The following GPC5 variants were observed in gnomAD, a reference collection of about 807,000 sequenced individuals.
The protein encoded by GPC5 is glypican 5.
A neutral mutation model predicts 53.9 loss-of-function variants in GPC5; 47 were observed. That is an observed-to-expected ratio of 0.87 (90% CI 0.69 to 1.11). The LOEUF (loss-of-function observed/expected upper bound fraction) is 1.11, where lower values mean the gene tolerates loss of function less well. GPC5 is among the 50% of genes most tolerant of loss of function. The probability of loss-of-function intolerance (pLI) is 0.00; values close to 1 mark genes in which losing one functional copy is unlikely to be tolerated. For synonymous variants in GPC5, 286 were observed against 263.3 expected, an observed-to-expected ratio of 1.09 and a Z score of -0.84; for missense variants, 748 against 713.1, an observed-to-expected ratio of 1.05 and a Z score of -0.56.
At chr13:92,184,775 A>G (rs990467470) in intron 7 of GPC5, among the ~76,000 whole-genome samples, 13 of 152,152 alleles carry the variant, frequency 8.5e-5, no homozygotes, top group Non-Finnish European at 1.0e-4. Context: ...TTTTTAAGGT[A>G]TCTACTCATT....
chr13:92,752,782 G>C (rs549764215), intron 7 of GPC5, among the ~76,000 whole-genome samples: 3 of 152,122 alleles, frequency 2.0e-5, no homozygotes, highest in African/African-American at 4.8e-5. Context: ...CTTTTCCAAC[G>C]GGCTTAAAAA....
At chr13:92,094,726 A>T (rs1171053452) in intron 6 of GPC5, among the ~76,000 whole-genome samples, 1 of 151,140 alleles carries the variant, frequency 6.6e-6, no homozygotes, top group Non-Finnish European at 1.5e-5. Flanking sequence ...ATCTCAGAAA[A>T]ATCCTAATTT....
intron 7 of GPC5, among the ~76,000 whole-genome samples, chr13:92,372,839 T>A (rs1373958746): frequency 6.6e-6 from 1 of 152,208 alleles, no homozygotes; most frequent in East Asian, 1.9e-4. Context: ...CTATCTGAAC[T>A]GGGTGAACTC....
intron 6 of GPC5, among the ~76,000 whole-genome samples, chr13:92,044,827 A>C (rs7327753): frequency 6.6e-6 from 1 of 151,850 alleles, no homozygotes; most frequent in Non-Finnish European, 1.5e-5. Flanking sequence ...TTTAATAGAA[A>C]TTTTTCTTTG....
At chr13:92,199,096 C>T (rs565677569) in intron 7 of GPC5, among the ~76,000 whole-genome samples, 3 of 152,312 alleles carry the variant, frequency 2.0e-5, no homozygotes, top group South Asian at 2.1e-4. Flanking sequence ...AATTACAGAG[C>T]GCTCAGTAGT....
At chr13:92,521,710 G>C (rs1307396681) in intron 7 of GPC5, among the ~76,000 whole-genome samples, 1 of 152,144 alleles carries the variant, frequency 6.6e-6, no homozygotes, top group African/African-American at 2.4e-5. Flanking sequence ...TCAGGACATA[G>C]GCATGGGCAA....
chr13:91,675,416 C>T (rs2035359398), intron 2 of GPC5, among the ~76,000 whole-genome samples: 1 of 152,130 alleles, frequency 6.6e-6, no homozygotes, highest in African/African-American at 2.4e-5. Context: ...TCCACACTAA[C>T]ATTCAATTTT....
intron 7 of GPC5, among the ~76,000 whole-genome samples, chr13:92,767,926 G>T (rs1875467105): frequency 6.6e-6 from 1 of 151,994 alleles, no homozygotes; most frequent in African/African-American, 2.4e-5. Context: ...AAATTTTTAT[G>T]GAATCTTTTG....
intron 7 of GPC5, among the ~76,000 whole-genome samples, chr13:92,566,209 G>T (rs945678375): frequency 3.3e-5 from 5 of 152,004 alleles, no homozygotes; most frequent in African/African-American, 1.2e-4. Context: ...TTTCCAGGTA[G>T]AATTTAATAA....
intron 6 of GPC5, among the ~76,000 whole-genome samples, chr13:92,070,308 G>A (rs1366049092): frequency 3.9e-5 from 6 of 152,116 alleles, no homozygotes; most frequent in Non-Finnish European, 8.8e-5. Flanking sequence ...CAAGAGTGAT[G>A]GAGTCATTGC....
At chr13:92,422,058 T>C (rs1050358584) in intron 7 of GPC5, among the ~76,000 whole-genome samples, 3 of 151,942 alleles carry the variant, frequency 2.0e-5, no homozygotes, top group African/African-American at 7.3e-5. Flanking sequence ...TGTTTTTGTC[T>C]CTCCAAGGCT....
In GPC5 at chr13:92,378,576, C is replaced by T. The variant is rs79868948; in HGVS notation, c.1561+233587C>T. ...GCGTGGACTTTGGAGCCAAGGAGAC[C>T]TTTATTCAAAACCATGATAGAACTT... On this transcript the variant is annotated intron_variant, in intron 7 of 7. Coordinates refer to ENST00000377067, the MANE Select transcript of GPC5 (RefSeq NM_004466.6). Among the ~76,000 whole-genome samples, 465 of 152,200 alleles carry T rather than the reference C, an allele frequency of 3.1e-3. 5 individuals are homozygous for T. Among genetic ancestry groups the T allele is most frequent in the Non-Finnish European group, 4.3e-3 (292 of 68,018 alleles).
chr13:92,827,904 C>T (rs1223823584), intron 7 of GPC5, among the ~76,000 whole-genome samples: 1 of 152,026 alleles, frequency 6.6e-6, no homozygotes, highest in Non-Finnish European at 1.5e-5. Flanking sequence ...GTCCAAGTTC[C>T]ACCAAACATT....
At chr13:92,844,779 G>A (rs1475660328) in intron 7 of GPC5, among the ~76,000 whole-genome samples, 2 of 152,030 alleles carry the variant, frequency 1.3e-5, no homozygotes, top group Non-Finnish European at 2.9e-5. Context: ...TACTGAATAT[G>A]GTTCCTGGAA....
intron 7 of GPC5, among the ~76,000 whole-genome samples, chr13:92,401,685 A>G (rs1044962815): frequency 6.6e-6 from 1 of 152,144 alleles, no homozygotes; most frequent in Non-Finnish European, 1.5e-5. Flanking sequence ...TTCATTATGA[A>G]ATTCTTACAG....
chr13:91,638,241 G>A (rs16946326), intron 2 of GPC5, among the ~76,000 whole-genome samples: 5,798 of 152,170 alleles, frequency 0.038, 348 homozygotes, highest in African/African-American at 0.13. Context: ...TCACATATAC[G>A]TATAAATTAT....
chr13:92,019,825 T>G (rs927119225), intron 6 of GPC5, among the ~76,000 whole-genome samples: 3 of 152,126 alleles, frequency 2.0e-5, no homozygotes, highest in African/African-American at 7.2e-5. Flanking sequence ...CTTTATTTCA[T>G]GTATAGTGGC....
At chr13:92,836,928 G>A (rs1412136268) in intron 7 of GPC5, among the ~76,000 whole-genome samples, 1 of 151,910 alleles carries the variant, frequency 6.6e-6, no homozygotes, top group East Asian at 1.9e-4. Context: ...CTTAAAAGGA[G>A]AAGAGTAATA....
At chr13:92,197,593 G>A (rs1300504738) in intron 7 of GPC5, among the ~76,000 whole-genome samples, 1 of 151,870 alleles carries the variant, frequency 6.6e-6, no homozygotes, top group Non-Finnish European at 1.5e-5. Flanking sequence ...AACCCCCAAG[G>A]CTCAAGAGAT....
Sources: gnomAD v4.1 joint callset for allele counts (sites outside exome capture counted in the v4.1 genomes callset) on GRCh38, gnomAD v4.1.1 for gene constraint, MANE v1.5 for transcripts, NCBI Gene and HGNC (gene_info 2026-07-23, HGNC 2026-07-21) for gene names.